The following ZSCAN5A variants were observed in gnomAD, a reference collection of about 807,000 sequenced individuals.
ZSCAN5A encodes zinc finger and SCAN domain-containing protein 5A.
ZSCAN5A carries 12 observed loss-of-function variants against 23.7 expected under a neutral mutation model. The ratio of observed to expected loss-of-function variants is 0.51; its 90% CI spans 0.32 to 0.82. The LOEUF (loss-of-function observed/expected upper bound fraction) is 0.82, where lower values mean the gene tolerates loss of function less well. Ranked by LOEUF, ZSCAN5A falls within the 40% of genes least tolerant of loss-of-function variation. The pLI, the probability that ZSCAN5A is intolerant of heterozygous loss-of-function variation, is 0.03. For missense variants in ZSCAN5A, 597 were observed against 617.9 expected (o/e 0.97, Z 0.36); for synonymous variants, 257 against 239.9 (o/e 1.07, Z -0.66).
chr19:56,280,290 C>T (rs78534269), intron 2 of ZSCAN5A, among the ~76,000 whole-genome samples: 17 of 152,110 alleles, frequency 1.1e-4, no homozygotes, highest in African/African-American at 2.4e-4. Context: ...CTTATTTATA[C>T]GTTTTTGGCT....
rs751258534 is a variant in ZSCAN5A at position 56,225,065 on chromosome 19, T to A, written c.-19A>T. 6.4e-7 allele frequency: 1 copy of A among 1,563,386 alleles called. No individual in the cohort carries two copies. The highest frequency in any genetic ancestry group is 1.2e-5 in the South Asian group (1 of 83,118). On this transcript the variant is annotated 5_prime_UTR_variant, in exon 3 of 6. Transcript: ENST00000683990. ...CAGCCATATCTAGTGGAGAATTTTT[T>A]AATCAGTCTCTGAGAAAGCTCTTCC...
chr19:56,227,116 T>C (rs2034026221), intron 2 of ZSCAN5A, among the ~76,000 whole-genome samples: 1 of 152,174 alleles, frequency 6.6e-6, no homozygotes, highest in African/African-American at 2.4e-5. Flanking sequence ...GTGACTTCAG[T>C]TCATAACAAT....
At chr19:56,367,829 ATAACCTCACGGAGAATGGGCC>A (rs1259328593) in intron 1 of ZSCAN5A, 3 of 152,218 alleles carry the variant, frequency 2.0e-5, no homozygotes, top group African/African-American at 4.8e-5. Context: ...ATCAAATCAC[ATAACCTCACGGAGAATGGGCC>A]TAACCTCACG....
chr19:56,295,423 C>T (rs1418707908), intron 2 of ZSCAN5A, among the ~76,000 whole-genome samples: 4 of 151,936 alleles, frequency 2.6e-5, no homozygotes, highest in Admixed American at 6.6e-5. Flanking sequence ...GTGAAACCTC[C>T]GTTTCTACTA....
chr19:56,279,664 C>G (rs1230671998), intron 2 of ZSCAN5A, among the ~76,000 whole-genome samples: 1 of 152,134 alleles, frequency 6.6e-6, no homozygotes, highest in Non-Finnish European at 1.5e-5. Context: ...AATCCCCACA[C>G]CAGACTTGGT....
At chr19:56,360,649 G>T (rs1350707326) in intron 2 of ZSCAN5A, among the ~76,000 whole-genome samples, 2 of 151,876 alleles carry the variant, frequency 1.3e-5, no homozygotes, top group Non-Finnish European at 2.9e-5. Context: ...ATTGAAACTG[G>T]ACCCTTTATT....
At chr19:56,335,543 G>T (rs994512395) in intron 2 of ZSCAN5A, among the ~76,000 whole-genome samples, 2 of 152,154 alleles carry the variant, frequency 1.3e-5, no homozygotes, top group Non-Finnish European at 2.9e-5. Context: ...TATCCAATTT[G>T]CCAGTCTGTG....
chr19:56,272,374 A>C (rs1333452441), intron 2 of ZSCAN5A, among the ~76,000 whole-genome samples: 1 of 152,222 alleles, frequency 6.6e-6, no homozygotes, highest in African/African-American at 2.4e-5. Context: ...TGCAGCCTGA[A>C]AGCTGCTGTA....
rs183594560 is a variant in ZSCAN5A, at chr19:56,358,340, C to T, written c.-358+4895G>A. ...TTCACCACGTAGGCCAGGCTGGTCT[C>T]GGACTCCTGACCTCAAGTGATCCAC... is the stretch of plus-strand genomic sequence containing the variant. On this transcript the variant is annotated intron_variant, in intron 2 of 6. Coordinates refer to the ZSCAN5A transcript ENST00000587340. Among the ~76,000 whole-genome samples, 7 of 148,550 alleles carry T rather than the reference C, an allele frequency of 4.7e-5. No individual in the cohort carries two copies. In the East Asian group the frequency reaches 7.8e-4, roughly 16 times the overall value.
At chr19:56,299,502 G>C (rs1227789515) in intron 2 of ZSCAN5A, among the ~76,000 whole-genome samples, 1 of 151,682 alleles carries the variant, frequency 6.6e-6, no homozygotes, top group Admixed American at 6.6e-5. Flanking sequence ...ATATAATAAG[G>C]AATAGCCACC....
chr19:56,340,820 A>AC (rs2041586732), intron 2 of ZSCAN5A: 3 of 152,220 alleles, frequency 2.0e-5, no homozygotes, highest in African/African-American at 7.2e-5. Context: ...TGTGCTTGAG[A>AC]GTTGAAAATG....
intron 2 of ZSCAN5A, among the ~76,000 whole-genome samples, chr19:56,238,299 T>C (rs889375504): frequency 2.0e-5 from 3 of 151,938 alleles, no homozygotes; most frequent in African/African-American, 7.3e-5. Flanking sequence ...GAAATGAAAA[T>C]AGTCACTATG....
chr19:56,339,391 T>A lies in ZSCAN5A; in HGVS notation c.-357-23123A>T, dbSNP rs35843446. Among the ~76,000 whole-genome samples, 3 of 73,008 alleles carry A rather than the reference T, an allele frequency of 4.1e-5. 1 individual carries two copies. The highest frequency in any genetic ancestry group is 9.4e-4 in the East Asian group (2 of 2,136). 47.9% of individuals were successfully genotyped at this position (73,008 alleles called of 152,430 possible). On this transcript the variant is annotated intron_variant, in intron 2 of 6. Coordinates refer to the ZSCAN5A transcript ENST00000587340. ...GGCTGTAGCCGCATTTAGCAATATGTGAAGGAGCGGCTGTAGCCGCATTTA... is the reference window on the plus strand; with the variant it reads ...GGCTGTAGCCGCATTTAGCAATATGAGAAGGAGCGGCTGTAGCCGCATTTA...
At chr19:56,326,648 G>T (rs114461358) in intron 2 of ZSCAN5A, among the ~76,000 whole-genome samples, 1 of 151,968 alleles carries the variant, frequency 6.6e-6, no homozygotes, top group African/African-American at 2.4e-5. Flanking sequence ...AGTACTGGGC[G>T]ATTAACTGCA....
intron 2 of ZSCAN5A, among the ~76,000 whole-genome samples, chr19:56,302,568 CTTT>C: frequency 3.3e-5 from 3 of 90,304 alleles, no homozygotes; most frequent in African/African-American, 1.0e-4. Flanking sequence ...TCCCCCCTTC[CTTT>C]TCTTCCTCCC....
At chr19:56,224,153 C>A (rs1238741565) in intron 3 of ZSCAN5A, among the ~76,000 whole-genome samples, 4 of 151,894 alleles carry the variant, frequency 2.6e-5, no homozygotes, top group Admixed American at 2.6e-4. Context: ...GGCAGCTCAC[C>A]TTGTATTAGA....
At chr19:56,302,602 T>TCCTCCCTCCCTCCTCCTCC (rs1458822932) in intron 2 of ZSCAN5A, among the ~76,000 whole-genome samples, 1 of 96,840 alleles carries the variant, frequency 1.0e-5, no homozygotes. Context: ...CTCTCCCTCT[T>TCCTCCCTCCCTCCTCCTCC]CTTCCTCTCC....
chr19:56,321,932 A>C lies in ZSCAN5A; in HGVS notation c.-357-5664T>G, dbSNP rs1053368777. ...CCGGTACTGCTCAATATCCAACTTC[A>C]TCATGGCCTTCTGAAGATATCTCAC... On this transcript the variant is annotated intron_variant, in intron 2 of 6. Transcript: ENST00000587340. The C allele has an allele frequency of 1.0e-5, 8 of 781,276 alleles. No individual in the cohort carries two copies. The African/African-American group carries it at 1.4e-4, about 13-fold the overall frequency. 48.4% of individuals were successfully genotyped at this position (781,276 alleles called of 1,614,324 possible).
At position 56,320,564 on chromosome 19, in the gene ZSCAN5A, A is replaced by C; in HGVS notation, c.-357-4296T>G. On this transcript the variant is annotated intron_variant, in intron 2 of 6. Coordinates refer to the ZSCAN5A transcript ENST00000587340. ...GAGGCGGTGATTGCAGTGAGCCGAG[A>C]TCATACCATTGCACTCCAGCCTGGG... 1.5e-5 allele frequency: 8 copies of C among 516,672 alleles called. No homozygotes were observed. In the South Asian group the frequency reaches 1.6e-4, roughly 10 times the overall value. The allele number at this position is 516,672 out of a possible 1,614,324, so 32.0% of individuals were successfully genotyped here. A position where few individuals can be genotyped will look rare whatever the true frequency, so the allele number is the denominator to read the frequency against.
Sources: gnomAD v4.1 joint callset for allele counts (sites outside exome capture counted in the v4.1 genomes callset) on GRCh38, gnomAD v4.1.1 for gene constraint, MANE v1.5 for transcripts, NCBI Gene and HGNC (gene_info 2026-07-23, HGNC 2026-07-21) for gene names.